The following PARP8 variants were observed in gnomAD, a reference collection of about 807,000 sequenced individuals.
The protein encoded by PARP8 is protein mono-ADP-ribosyltransferase PARP8.
A neutral mutation model predicts 124.1 loss-of-function variants in PARP8; 51 were observed. That is an observed-to-expected ratio of 0.41 (90% CI 0.33 to 0.52). PARP8 has a LOEUF of 0.52. PARP8 is among the 20% of genes least tolerant of loss of function. PARP8 has a pLI of 0.21. For synonymous variants in PARP8, 391 were observed against 361.5 expected (o/e 1.08, Z -0.93); for missense variants, 860 against 1,018.9 (o/e 0.84, Z 2.12).
intron 3 of PARP8, among the ~76,000 whole-genome samples, chr5:50,753,946 A>G (rs1759533395): frequency 6.6e-6 from 1 of 151,026 alleles, no homozygotes; most frequent in South Asian, 2.1e-4. Context: ...GTGTTAGAGA[A>G]GTGAAGAGAA....
intron 7 of PARP8, among the ~76,000 whole-genome samples, chr5:50,773,108 G>A (rs1338569192): frequency 3.9e-5 from 6 of 152,090 alleles, no homozygotes; most frequent in Non-Finnish European, 8.8e-5. Context: ...GAGATGCATG[G>A]CTTGCAGTTA....
intron 2 of PARP8, among the ~76,000 whole-genome samples, chr5:50,675,743 T>C (rs1049895013): frequency 6.6e-6 from 1 of 152,160 alleles, no homozygotes; most frequent in African/African-American, 2.4e-5. Flanking sequence ...TGTTAGCCTT[T>C]CACATCTGTG....
chr5:50,699,376 A>C (rs1753356801), intron 2 of PARP8, among the ~76,000 whole-genome samples: 1 of 152,178 alleles, frequency 6.6e-6, no homozygotes, highest in Admixed American at 6.5e-5. Context: ...CTTCAGAAAT[A>C]ATTGCAATAC....
intron 2 of PARP8, among the ~76,000 whole-genome samples, chr5:50,670,188 GATTTA>G (rs1307117108): frequency 6.6e-6 from 1 of 152,054 alleles, no homozygotes; most frequent in African/African-American, 2.4e-5. Flanking sequence ...GCTGTGTTTT[GATTTA>G]ATGTGCTTAT....
intron 2 of PARP8, among the ~76,000 whole-genome samples, chr5:50,748,662 G>C (rs1485611208): frequency 6.6e-6 from 1 of 152,142 alleles, no homozygotes; most frequent in Non-Finnish European, 1.5e-5. Context: ...TGGCTGAACA[G>C]TTGTCTCCTC....
chr5:50,758,961 A>G (rs557524686), intron 3 of PARP8, among the ~76,000 whole-genome samples: 2 of 152,370 alleles, frequency 1.3e-5, no homozygotes, highest in Admixed American at 1.3e-4. Flanking sequence ...TAATTCATGG[A>G]AGAATGATAA....
chr5:50,754,153 A>G (rs1278175100), intron 3 of PARP8, among the ~76,000 whole-genome samples: 1 of 24,872 alleles, frequency 4.0e-5, no homozygotes, highest in Non-Finnish European at 1.0e-4. Context: ...ATATATATAC[A>G]CACACACACA....
chr5:50,683,102 G>A (rs916556714), intron 2 of PARP8, among the ~76,000 whole-genome samples: 2 of 152,098 alleles, frequency 1.3e-5, no homozygotes, highest in African/African-American at 4.8e-5. Flanking sequence ...ATCATGAAGC[G>A]AGTGAGATGA....
intron 2 of PARP8, among the ~76,000 whole-genome samples, chr5:50,729,550 G>A (rs559452308): frequency 1.3e-4 from 20 of 152,288 alleles, no homozygotes; most frequent in African/African-American, 4.6e-4. Flanking sequence ...AAAAGGAACA[G>A]ATAGATGGTC....
At chr5:50,838,477 T>G (rs181124654) in intron 25 of PARP8, among the ~76,000 whole-genome samples, 66 of 152,192 alleles carry the variant, frequency 4.3e-4, no homozygotes, top group Admixed American at 3.5e-3. Context: ...TCTTTAATAT[T>G]CAGAAATTGA....
At position 50,748,749 on chromosome 5, in the gene PARP8, C is replaced by A. The variant is rs1373601430; in HGVS notation, c.147-1402C>A. Among the ~76,000 whole-genome samples, 3 of 152,072 alleles carry A rather than the reference C, an allele frequency of 2.0e-5. No individual in the cohort carries two copies. The East Asian group carries it at 5.8e-4, about 29-fold the overall frequency. Reference sequence around the variant, plus strand: ...ATGTCGTTTTATTTTTCTCTGACTTCTTTTAGAATGTTTCCTTACATTTGG... The same window carrying A: ...ATGTCGTTTTATTTTTCTCTGACTTATTTTAGAATGTTTCCTTACATTTGG... On this transcript the variant is annotated intron_variant, in intron 2 of 25. Coordinates refer to ENST00000281631, the MANE Select transcript of PARP8 (RefSeq NM_024615.4).
chr5:50,693,555 T>C (rs1291782626), intron 2 of PARP8, among the ~76,000 whole-genome samples: 3 of 151,882 alleles, frequency 2.0e-5, no homozygotes, highest in South Asian at 4.1e-4. Flanking sequence ...ATACTTGTTA[T>C]GACAATGCAG....
At chr5:50,825,770 G>C (rs1746277745) in intron 18 of PARP8, among the ~76,000 whole-genome samples, 1 of 152,144 alleles carries the variant, frequency 6.6e-6, no homozygotes, top group African/African-American at 2.4e-5. Flanking sequence ...TGATATGAAT[G>C]AGCACTTATA....
chr5:50,761,738 A>G (rs1217955541), intron 5 of PARP8, 83 bp from the exon 6 acceptor site: 3 of 859,140 alleles, frequency 3.5e-6, no homozygotes, highest in Non-Finnish European at 5.5e-6. Flanking sequence ...TATGCTCAAG[A>G]CTTGCCTATT....
intron 2 of PARP8, among the ~76,000 whole-genome samples, chr5:50,686,577 C>A (rs1751888178): frequency 6.6e-6 from 1 of 152,256 alleles, no homozygotes; most frequent in Non-Finnish European, 1.5e-5. Context: ...TCTGACCCCA[C>A]ATTTCCCTTC....
At position 50,761,153 on chromosome 5, in the gene PARP8, A is replaced by C. The variant is rs143661301; in HGVS notation, c.346-668A>C. Among the ~76,000 whole-genome samples the C allele has an allele frequency of 1.2e-3, 183 of 152,220 alleles. 1 individual carries two copies. The highest frequency in any genetic ancestry group is 4.2e-3 in the African/African-American group (175 of 41,580). ...TGGATGAATGGATTCCTGTGTCCAA[A>C]TACCTACATTTCTCCTGTGTTAATA... On this transcript the variant is annotated intron_variant, in intron 5 of 25. Coordinates refer to ENST00000281631, the MANE Select transcript of PARP8 (RefSeq NM_024615.4).
chr5:50,804,789 TGTTA>T (rs1463983467), intron 14 of PARP8, among the ~76,000 whole-genome samples: 34 of 152,288 alleles, frequency 2.2e-4, no homozygotes, highest in African/African-American at 8.2e-4. Context: ...ACGATTCTGA[TGTTA>T]GTTCTGTTTA....
At chr5:50,816,069 T>C (rs1408663370) in intron 15 of PARP8, among the ~76,000 whole-genome samples, 3 of 152,026 alleles carry the variant, frequency 2.0e-5, no homozygotes, top group Admixed American at 2.0e-4. Flanking sequence ...TCTAAAAAAT[T>C]AATGAACATT....
rs371294282 is a variant in PARP8, at chr5:50,833,952, T to C, written c.2308-27T>C. The C allele has an allele frequency of 1.7e-4, 272 of 1,593,126 alleles. 1 individual carries two copies. In the African/African-American group the frequency reaches 3.4e-3, roughly 20 times the overall value. On this transcript the variant is annotated intron_variant, in intron 23 of 25. Transcript: ENST00000281631. ...TTCACAAAGTGTTTCATTCTGACTCTAAGTTTTAATTGTTTTTGGAATTTA... is the reference window on the plus strand; with the variant it reads ...TTCACAAAGTGTTTCATTCTGACTCCAAGTTTTAATTGTTTTTGGAATTTA...
Sources: allele counts gnomAD v4.1 joint callset (sites outside exome capture counted in the v4.1 genomes callset), GRCh38; gene constraint gnomAD v4.1.1; transcripts MANE v1.5; gene names NCBI Gene and HGNC (gene_info 2026-07-23, HGNC 2026-07-21).